Variants in RBM19 observed in about 807,000 individuals in gnomAD.
RBM19 encodes the protein RNA binding motif protein 19, also known as probable RNA-binding protein 19.
Under a neutral mutation model 116.8 loss-of-function variants are expected in RBM19, and 94 were observed. That is an observed-to-expected ratio of 0.80 (90% CI 0.68 to 0.95). The LOEUF (loss-of-function observed/expected upper bound fraction) is 0.95. Among genes scored for constraint, RBM19 ranks in the 40% least tolerant of loss-of-function variants. The pLI is 0.00. For missense variants in RBM19, 1,161 were observed against 1,220.7 expected, an observed-to-expected ratio of 0.95 and a Z score of 0.73; for synonymous variants, 475 against 494.1, an observed-to-expected ratio of 0.96 and a Z score of 0.51.
intron 6 of RBM19, among the ~76,000 whole-genome samples, chr12:113,955,626 T>C (rs150072450): frequency 5.3e-5 from 8 of 152,204 alleles, no homozygotes; most frequent in Non-Finnish European, 1.0e-4. Flanking sequence ...ATGGGGATTA[T>C]GGGTTCAGGA....
chr12:113,940,322 T>C (rs1189994146), intron 14 of RBM19, among the ~76,000 whole-genome samples, 162 bp from the exon 15 acceptor site: 1 of 152,198 alleles, frequency 6.6e-6, no homozygotes. Flanking sequence ...CTCTCTGGCA[T>C]GATGCTCCCT....
At chr12:113,914,666 C>T (rs891820395) in intron 21 of RBM19, among the ~76,000 whole-genome samples, 1 of 152,220 alleles carries the variant, frequency 6.6e-6, no homozygotes, top group African/African-American at 2.4e-5. Context: ...TGGGTTTTAG[C>T]CACTGGGGCC....
At chr12:113,946,273 A>G in intron 12 of RBM19, 81 bp downstream of exon 12, 1 of 1,590,864 alleles carries the variant, frequency 6.3e-7, no homozygotes, top group Non-Finnish European at 8.6e-7. Flanking sequence ...GAGTCAGAAG[A>G]CCCAGGTGGC....
chr12:113,920,661 C>A lies in RBM19; in HGVS notation c.2335G>T (p.Val779Leu). 6.2e-7 allele frequency: 1 copy of A among 1,614,120 alleles called. No individual in the cohort carries two copies. The highest frequency in any genetic ancestry group is 8.5e-7 in the Non-Finnish European group (1 of 1,180,002). ...GCTTGCTCCGGCTTCCTGTATTCCA[C>A]AAATCCAAACCCCATGGAAAGGAGC... ...GVLLSMGFGF[V>L]EYRKPEQAQK... is the part of the protein sequence containing the mutation. Residue 779 changes from valine to leucine, a missense_variant, in exon 19 of 24, where the codon GTG (valine) becomes TTG (leucine). Physicochemically the swap from Val to Leu is conservative, Grantham distance 32. Transcript: ENST00000261741.
chr12:113,829,375 G>A (rs1327706984), intron 23 of RBM19, among the ~76,000 whole-genome samples: 1 of 152,196 alleles, frequency 6.6e-6, no homozygotes, highest in African/African-American at 2.4e-5. Flanking sequence ...AGCCTGGGCC[G>A]CAGACTGGCC....
chr12:113,862,284 C>T (rs1354263049), intron 21 of RBM19, among the ~76,000 whole-genome samples: 1 of 152,200 alleles, frequency 6.6e-6, no homozygotes, highest in Non-Finnish European at 1.5e-5. Context: ...GCCCATGTCT[C>T]ATGGCCCCAG....
At chr12:113,965,224 G>C (rs1344507125) in intron 1 of RBM19, among the ~76,000 whole-genome samples, 1 of 150,258 alleles carries the variant, frequency 6.7e-6, no homozygotes, top group Non-Finnish European at 1.5e-5. Context: ...AGTGAGCCGA[G>C]ACTGCCGAGA....
intron 21 of RBM19, among the ~76,000 whole-genome samples, chr12:113,895,426 C>A (rs1358172641): frequency 1.3e-5 from 2 of 152,164 alleles, no homozygotes; most frequent in African/African-American, 4.8e-5. Flanking sequence ...GGCTGCCTGG[C>A]CTCCTGAGAG....
intron 22 of RBM19, among the ~76,000 whole-genome samples, chr12:113,854,935 C>T (rs1237733105): frequency 2.0e-5 from 3 of 152,222 alleles, no homozygotes; most frequent in East Asian, 1.9e-4. Context: ...CCAGCGCGCT[C>T]GCGGGAGCCT....
At chr12:113,838,635 C>T (rs1876172332) in intron 23 of RBM19, among the ~76,000 whole-genome samples, 1 of 152,184 alleles carries the variant, frequency 6.6e-6, no homozygotes, top group South Asian at 2.1e-4. Flanking sequence ...AGGACTCGTT[C>T]CCATGAAAGC....
Position 113,937,228 on chromosome 12 carries a change from C to G in RBM19, c.1939-92G>C, listed in dbSNP as rs1870152397. 4.7e-6 allele frequency: 7 copies of G among 1,478,026 alleles called. No homozygotes were observed. The South Asian group carries it at 9.1e-5, about 19-fold the overall frequency. The allele number at this position is 1,478,026 out of a possible 1,614,324, so 91.6% of individuals were successfully genotyped here. On this transcript the variant is annotated intron_variant, in intron 15 of 23. Transcript: ENST00000261741. ...CCCATGCAGATCACAGCCCAAGGGT[C>G]ACAGAGGATGGGCAACTCACCCAAG... is the stretch of plus-strand genomic sequence containing the variant.
chr12:113,933,301 CG>C (rs574163121), intron 16 of RBM19, among the ~76,000 whole-genome samples: 1 of 107,740 alleles, frequency 9.3e-6, no homozygotes, highest in Non-Finnish European at 1.8e-5. Context: ...CCTCGTACAA[CG>C]GGGGAGTCGG....
downstream of RBM19, among the ~76,000 whole-genome samples, chr12:113,821,582 G>A (rs994970531): frequency 1.1e-4 from 16 of 152,114 alleles, no homozygotes; most frequent in African/African-American, 3.9e-4. Context: ...CATCCAGAAG[G>A]CTGTGGTTGA....
At chr12:113,868,700 G>A (rs1879013056) in intron 21 of RBM19, among the ~76,000 whole-genome samples, 1 of 152,210 alleles carries the variant, frequency 6.6e-6, no homozygotes, top group Non-Finnish European at 1.5e-5. Flanking sequence ...CGATATGGGA[G>A]AGGAGAAGAA....
intron 21 of RBM19, among the ~76,000 whole-genome samples, chr12:113,889,673 C>CAA (rs374167674): frequency 2.7e-4 from 9 of 33,434 alleles, no homozygotes; most frequent in African/African-American, 1.1e-3. Flanking sequence ...AAACAAACAA[C>CAA]AAAAAAAAAA....
intron 22 of RBM19, among the ~76,000 whole-genome samples, chr12:113,851,877 C>A (rs1418745599): frequency 6.6e-6 from 1 of 151,748 alleles, no homozygotes; most frequent in African/African-American, 2.4e-5. Context: ...ATGGAGAAAC[C>A]CCGTCTCTAC....
At chr12:113,956,142 C>A (rs1465519649) in intron 6 of RBM19, among the ~76,000 whole-genome samples, 6 of 152,122 alleles carry the variant, frequency 3.9e-5, no homozygotes, top group Non-Finnish European at 8.8e-5. Flanking sequence ...CCACACTCTA[C>A]TACCTCACTG....
intron 21 of RBM19, among the ~76,000 whole-genome samples, chr12:113,869,856 A>T (rs543935684): frequency 1.3e-5 from 2 of 152,360 alleles, no homozygotes; most frequent in East Asian, 3.9e-4. Context: ...AGAGGAGATG[A>T]AGAGAATCCA....
chr12:113,927,946 T>G (rs1383316745), intron 16 of RBM19, among the ~76,000 whole-genome samples: 28 of 152,226 alleles, frequency 1.8e-4, no homozygotes. Flanking sequence ...GAACGTTTAA[T>G]GACACACAAC....
Sources: allele counts gnomAD v4.1 joint callset (sites outside exome capture counted in the v4.1 genomes callset), GRCh38; gene constraint gnomAD v4.1.1; transcripts MANE v1.5; gene names NCBI Gene and HGNC (gene_info 2026-07-23, HGNC 2026-07-21).